The following MDGA2 variants were observed in gnomAD, a reference collection of about 807,000 sequenced individuals.
The protein encoded by MDGA2 is MAM domain containing glycosylphosphatidylinositol anchor 2.
A neutral mutation model predicts 117.8 loss-of-function variants in MDGA2; 40 were observed. The observed-to-expected ratio is 0.34, with a 90% CI of 0.26 to 0.44. The LOEUF (loss-of-function observed/expected upper bound fraction) is 0.44. MDGA2 is among the 20% of genes least tolerant of loss of function. The probability of loss-of-function intolerance (pLI) is 1.00; values close to 1 mark genes in which losing one functional copy is unlikely to be tolerated. For synonymous variants in MDGA2, 452 were observed against 439.0 expected (o/e 1.03, Z -0.37); for missense variants, 1,123 against 1,250.6 (o/e 0.90, Z 1.54).
chr14:47,370,173 G>A (rs1433387743), intron 1 of MDGA2, among the ~76,000 whole-genome samples: 3 of 151,736 alleles, frequency 2.0e-5, no homozygotes. Flanking sequence ...TTCTTGCCAT[G>A]AGCTTAATAT....
intron 1 of MDGA2, among the ~76,000 whole-genome samples, chr14:47,351,744 A>G (rs1014421841): frequency 3.3e-5 from 5 of 152,196 alleles, no homozygotes; most frequent in African/African-American, 4.8e-5. Context: ...GCTAATGGAT[A>G]TGGAGCAGAA....
intron 14 of MDGA2, among the ~76,000 whole-genome samples, chr14:46,856,134 A>T (rs937606748): frequency 6.6e-6 from 1 of 152,092 alleles, no homozygotes; most frequent in African/African-American, 2.4e-5. Flanking sequence ...TAGAGGGGTT[A>T]AACAATTTGC....
chr14:47,179,222 T>C (rs1165403823), intron 3 of MDGA2, among the ~76,000 whole-genome samples: 1 of 152,158 alleles, frequency 6.6e-6, no homozygotes, highest in Non-Finnish European at 1.5e-5. Context: ...CAATATTATA[T>C]GGGGAGCCGA....
chr14:47,661,677 G>A (rs1416104954), intron 1 of MDGA2, among the ~76,000 whole-genome samples: 1 of 151,256 alleles, frequency 6.6e-6, no homozygotes, highest in Admixed American at 6.6e-5. Context: ...AACTGCACAT[G>A]CATTGCTGTT....
At chr14:47,472,969 A>ATAGTTGTAT (rs1893760462) in intron 1 of MDGA2, among the ~76,000 whole-genome samples, 1 of 152,132 alleles carries the variant, frequency 6.6e-6, no homozygotes, top group Non-Finnish European at 1.5e-5. Flanking sequence ...AGACAATTCT[A>ATAGTTGTAT]CAGTTGTATA....
intron 8 of MDGA2, among the ~76,000 whole-genome samples, chr14:46,987,805 A>G (rs1886917317): frequency 6.6e-6 from 1 of 151,798 alleles, no homozygotes; most frequent in African/African-American, 2.4e-5. Flanking sequence ...AATTCAAAAT[A>G]TAATAATATA....
chr14:47,382,780 G>T (rs969433911), intron 1 of MDGA2, among the ~76,000 whole-genome samples: 3 of 152,194 alleles, frequency 2.0e-5, no homozygotes, highest in Non-Finnish European at 2.9e-5. Flanking sequence ...TTCAACCATT[G>T]TAGAAGACAG....
intron 10 of MDGA2, among the ~76,000 whole-genome samples, chr14:46,882,791 G>T (rs190861301): frequency 5.1e-4 from 77 of 151,898 alleles, no homozygotes; most frequent in African/African-American, 1.8e-3. Flanking sequence ...TAGTGGGAAG[G>T]CTGGAAAGGG....
chr14:47,103,525 A>G (rs934736184), intron 5 of MDGA2, among the ~76,000 whole-genome samples: 3 of 152,228 alleles, frequency 2.0e-5, no homozygotes, highest in Non-Finnish European at 2.9e-5. Context: ...ATTTAAAATG[A>G]TGCTCTAGGA....
intron 6 of MDGA2, among the ~76,000 whole-genome samples, chr14:47,068,323 G>A (rs1030385532): frequency 4.6e-5 from 7 of 151,174 alleles, no homozygotes; most frequent in Admixed American, 4.6e-4. Context: ...TTCTTAAGAA[G>A]GGGGAAAAAG....
At chr14:47,018,813 C>T (rs1566577101) in intron 8 of MDGA2, among the ~76,000 whole-genome samples, 1 of 123,814 alleles carries the variant, frequency 8.1e-6, no homozygotes, top group Non-Finnish European at 1.7e-5. Flanking sequence ...GGAAATCCTT[C>T]TACACATTCA....
intron 1 of MDGA2, among the ~76,000 whole-genome samples, chr14:47,640,425 C>G (rs1897402992): frequency 6.6e-6 from 1 of 152,082 alleles, no homozygotes; most frequent in Admixed American, 6.5e-5. Context: ...CAATTTTACC[C>G]CACTAGTCTT....
chr14:46,907,825 T>C (rs1478826636), intron 10 of MDGA2, among the ~76,000 whole-genome samples: 1 of 152,190 alleles, frequency 6.6e-6, no homozygotes, highest in African/African-American at 2.4e-5. Flanking sequence ...TGTTTATTTG[T>C]ATACAGTATT....
chr14:47,391,121 A>G (rs921202509), intron 1 of MDGA2, among the ~76,000 whole-genome samples: 1 of 152,136 alleles, frequency 6.6e-6, no homozygotes, highest in African/African-American at 2.4e-5. Context: ...GCAGACACAT[A>G]ATAACCCTCC....
chr14:47,075,981 C>G (rs1403526163), intron 6 of MDGA2, among the ~76,000 whole-genome samples: 1 of 151,864 alleles, frequency 6.6e-6, no homozygotes. Context: ...AAAACTATCA[C>G]CAATATAAAA....
At chr14:47,094,937 T>C (rs1336995493) in intron 6 of MDGA2, among the ~76,000 whole-genome samples, 3 of 152,042 alleles carry the variant, frequency 2.0e-5, no homozygotes, top group Admixed American at 6.6e-5. Context: ...TCAATACTAA[T>C]ATTTTAAAAA....
At chr14:47,284,597 T>C (rs1184460943) in intron 2 of MDGA2, among the ~76,000 whole-genome samples, 1 of 152,156 alleles carries the variant, frequency 6.6e-6, no homozygotes, top group East Asian at 1.9e-4. Flanking sequence ...TTCTCAAACA[T>C]AATGAGAAAT....
intron 1 of MDGA2, chr14:47,342,950 G>C (rs1274783889): frequency 3.4e-6 from 2 of 589,168 alleles, no homozygotes; most frequent in South Asian, 3.0e-5. Flanking sequence ...ACCTTCTGAA[G>C]TCACAGTAGT....
chr14:47,464,334 C>A (rs1403454766), intron 1 of MDGA2, among the ~76,000 whole-genome samples: 2 of 152,096 alleles, frequency 1.3e-5, no homozygotes, highest in East Asian at 3.9e-4. Context: ...GAAATCCTAA[C>A]TAAAGCAATC....
Sources: allele counts gnomAD v4.1 joint callset (sites outside exome capture counted in the v4.1 genomes callset), GRCh38; gene constraint gnomAD v4.1.1; transcripts MANE v1.5; gene names NCBI Gene and HGNC (gene_info 2026-07-23, HGNC 2026-07-21).